Variants in SPSB1 observed in about 807,000 individuals in gnomAD.
The protein encoded by SPSB1 is splA/ryanodine receptor domain and SOCS box containing 1, also known as SPRY domain-containing SOCS box protein 1.
SPSB1 carries 8 observed loss-of-function variants against 21.2 expected under a neutral mutation model. That is an observed-to-expected ratio of 0.38 (90% CI 0.22 to 0.68). The LOEUF is 0.68. SPSB1 is among the 30% of genes least tolerant of loss of function. The pLI is 0.53. For synonymous variants in SPSB1, 169 were observed against 161.7 expected (o/e 1.05, Z -0.34); for missense variants, 242 against 377.8 (o/e 0.64, Z 2.98).
In SPSB1 at chr1:9,369,104, C is replaced by T. The variant is rs1234634361; in HGVS notation, c.*1529C>T. On this transcript the variant is annotated 3_prime_UTR_variant, in exon 3 of 3. Transcript: ENST00000328089. Reference sequence around the variant, plus strand: ...GTTTTAAACAGCTGCTGTAGAGTACCTTTTTTTAAGTAAATCTTACAGTGG... The same window carrying T: ...GTTTTAAACAGCTGCTGTAGAGTACTTTTTTTTAAGTAAATCTTACAGTGG... 6.6e-6 allele frequency: 1 copy of T among 152,228 alleles called. No homozygotes were observed. Among genetic ancestry groups the T allele is most frequent in the Non-Finnish European group, 1.5e-5 (1 of 67,970 alleles). The allele number at this position is 152,228 out of a possible 1,614,324, so 9.4% of individuals were successfully genotyped here. A position where few individuals can be genotyped will look rare whatever the true frequency, so the allele number is the denominator to read the frequency against.
At chr1:9,358,970 G>A (rs373274521) in intron 2 of SPSB1, among the ~76,000 whole-genome samples, 4 of 152,210 alleles carry the variant, frequency 2.6e-5, no homozygotes, top group African/African-American at 9.7e-5. Context: ...GAGATGGGAG[G>A]TTGGATGCTT....
intron 2 of SPSB1, among the ~76,000 whole-genome samples, chr1:9,358,865 G>C (rs1025082486): frequency 1.3e-5 from 2 of 152,174 alleles, no homozygotes; most frequent in African/African-American, 4.8e-5. Context: ...GAGGGGACTG[G>C]AGCCTATTTG....
At chr1:9,326,108 C>T (rs1047437195) in intron 1 of SPSB1, among the ~76,000 whole-genome samples, 2 of 151,762 alleles carry the variant, frequency 1.3e-5, no homozygotes, top group African/African-American at 4.8e-5. Context: ...GGCTGGGCTG[C>T]CGACACGTGG....
At chr1:9,303,887 C>T (rs1172185353) in intron 1 of SPSB1, among the ~76,000 whole-genome samples, 3 of 152,206 alleles carry the variant, frequency 2.0e-5, no homozygotes, top group African/African-American at 7.2e-5. Flanking sequence ...TGATGATTCT[C>T]AATGCTTCAG....
intron 1 of SPSB1, among the ~76,000 whole-genome samples, chr1:9,343,126 C>T (rs1032402393): frequency 1.3e-5 from 2 of 152,214 alleles, no homozygotes; most frequent in African/African-American, 4.8e-5. Context: ...GAGTACAATT[C>T]GATGGCATTG....
chr1:9,339,240 G>T, intron 1 of SPSB1: 1 of 985,404 alleles, frequency 1.0e-6, no homozygotes, highest in Non-Finnish European at 1.2e-6. Flanking sequence ...CACTTGCCTA[G>T]AATATTCGAG....
At chr1:9,326,915 A>G (rs1273597737) in intron 1 of SPSB1, among the ~76,000 whole-genome samples, 1 of 152,018 alleles carries the variant, frequency 6.6e-6, no homozygotes, top group African/African-American at 2.4e-5. Context: ...TTTTAGGTGG[A>G]GGCGGGGACC....
At chr1:9,313,566 A>G (rs1037999490) in intron 1 of SPSB1, among the ~76,000 whole-genome samples, 1 of 151,028 alleles carries the variant, frequency 6.6e-6, no homozygotes, top group Non-Finnish European at 1.5e-5. Flanking sequence ...GGATTCTGGG[A>G]TGTGAATTCT....
rs1639390390 is a variant in SPSB1, at chr1:9,305,112, C to A, written c.-150+12041C>A. On this transcript the variant is annotated intron_variant, in intron 1 of 2. Transcript: ENST00000328089. This position sits in a 1 kb window ranked among gnomAD's most constrained non-coding sequence, Gnocchi z 4.8. ...CCTCTCGCCCTTGTGGCCCATCTGC[C>A]CCCTCAGGAGAGTCCCTCTCCTCCC... 6.6e-6 allele frequency among the ~76,000 whole-genome samples: 1 copy of A among 152,156 alleles called. No homozygotes were observed. The highest frequency in any genetic ancestry group is 1.5e-5 in the Non-Finnish European group (1 of 68,018).
chr1:9,336,378 C>T (rs1640003836), intron 1 of SPSB1, among the ~76,000 whole-genome samples: 1 of 152,116 alleles, frequency 6.6e-6, no homozygotes, highest in Non-Finnish European at 1.5e-5. Context: ...AGGCACGCAC[C>T]ACTATGCCCG....
rs1441012357 is a variant in SPSB1 at position 9,293,049 on chromosome 1, G to C, written c.-172G>C. 1 of 981,032 alleles carries C rather than the reference G, an allele frequency of 1.0e-6. No individual in the cohort carries two copies. The highest frequency in any genetic ancestry group is 1.8e-5 in the African/African-American group (1 of 56,710). The allele number at this position is 981,032 out of a possible 1,614,324, so 60.8% of individuals were successfully genotyped here. ...GCCTCCTCGGCCTTGGAGAGCAGCGGCGGCGGCGGCACCCCGGGCGCGGTA... is the reference window on the plus strand; with the variant it reads ...GCCTCCTCGGCCTTGGAGAGCAGCGCCGGCGGCGGCACCCCGGGCGCGGTA... On this transcript the variant is annotated 5_prime_UTR_variant, in exon 1 of 3. Coordinates refer to ENST00000328089, the MANE Select transcript of SPSB1 (RefSeq NM_025106.4). The surrounding 1 kb of genome is among the most constrained non-coding windows in gnomAD (Gnocchi z 5.1).
At chr1:9,303,371 G>A (rs1639364690) in intron 1 of SPSB1, among the ~76,000 whole-genome samples, 1 of 152,206 alleles carries the variant, frequency 6.6e-6, no homozygotes. Context: ...CACAGAACAG[G>A]ACAGAGGGAG....
At chr1:9,340,422 C>T (rs1640072008) in intron 1 of SPSB1, among the ~76,000 whole-genome samples, 1 of 152,200 alleles carries the variant, frequency 6.6e-6, no homozygotes, top group African/African-American at 2.4e-5. Flanking sequence ...CAAGGCAAGG[C>T]GTTGTGTTAT....
In SPSB1 at chr1:9,356,384, C is replaced by T; in HGVS notation, c.493C>T (p.Leu165=). Residue 165 remains leucine, a synonymous_variant, in exon 2 of 3, where the codon CTG becomes TTG. Coordinates refer to ENST00000328089, the MANE Select transcript of SPSB1 (RefSeq NM_025106.4). This position sits in a 1 kb window ranked among gnomAD's most constrained non-coding sequence, Gnocchi z 7.4. ...NQPSKTYPAF[L]EPDETFIVPD... ...GCCAAGCAAAACATACCCAGCCTTT[C>T]TGGAACCAGATGAGACATTCATTGT... is the stretch of plus-strand genomic sequence containing the variant. 6.2e-7 allele frequency: 1 copy of T among 1,614,176 alleles called. No homozygotes were observed. Among genetic ancestry groups the T allele is most frequent in the Admixed American group, 1.7e-5 (1 of 60,032 alleles).
intron 1 of SPSB1, among the ~76,000 whole-genome samples, chr1:9,332,764 A>T (rs1639942156): frequency 6.6e-6 from 1 of 152,208 alleles, no homozygotes; most frequent in South Asian, 2.1e-4. Flanking sequence ...GTTGAGAGGT[A>T]GAGAGAGGAT....
intron 1 of SPSB1, among the ~76,000 whole-genome samples, chr1:9,325,836 CG>C (rs1639808778): frequency 6.6e-6 from 1 of 152,108 alleles, no homozygotes; most frequent in Non-Finnish European, 1.5e-5. Flanking sequence ...TGAGGGAAGT[CG>C]GGGAACAGCC....
chr1:9,349,312 G>A (rs1398733072), intron 1 of SPSB1, among the ~76,000 whole-genome samples: 5 of 152,174 alleles, frequency 3.3e-5, no homozygotes, highest in East Asian at 1.9e-4. Flanking sequence ...AGACGCTCCC[G>A]CCACGTGCTC....
At position 9,346,746 on chromosome 1, in the gene SPSB1, C is replaced by T. The variant is rs1640171649; in HGVS notation, c.-149-8997C>T. 6.6e-6 allele frequency among the ~76,000 whole-genome samples: 1 copy of T among 152,146 alleles called. No individual in the cohort carries two copies. The highest frequency in any genetic ancestry group is 1.5e-5 in the Non-Finnish European group (1 of 68,036). ...CGTTGGTCTATCAGGGGTGGAACAGCCACCGGTGTTTCTGATGGGGCCACC... is the reference window on the plus strand; with the variant it reads ...CGTTGGTCTATCAGGGGTGGAACAGTCACCGGTGTTTCTGATGGGGCCACC... On this transcript the variant is annotated intron_variant, in intron 1 of 2. Coordinates refer to ENST00000328089, the MANE Select transcript of SPSB1 (RefSeq NM_025106.4). The surrounding 1 kb of genome is among the most constrained non-coding windows in gnomAD (Gnocchi z 4.4).
At position 9,292,980 on chromosome 1, in the gene SPSB1, G is replaced by A. The variant is rs1308256481; in HGVS notation, c.-241G>A. On this transcript the variant is annotated 5_prime_UTR_variant, in exon 1 of 3. Transcript: ENST00000328089. ...GCGCCGGGGCCGGGGCCGCGGGGAGGAGGCGACTTCGCTCCCTGCGGCGGG... is the reference window on the plus strand; with the variant it reads ...GCGCCGGGGCCGGGGCCGCGGGGAGAAGGCGACTTCGCTCCCTGCGGCGGG... 13 of 982,750 alleles carry A rather than the reference G, an allele frequency of 1.3e-5. No individual in the cohort carries two copies. The African/African-American group carries it at 1.4e-4, about 11-fold the overall frequency. The allele number at this position is 982,750 out of a possible 1,614,324, so 60.9% of individuals were successfully genotyped here.
Sources: allele counts gnomAD v4.1 joint callset (sites outside exome capture counted in the v4.1 genomes callset), GRCh38; gene constraint gnomAD v4.1.1; non-coding constraint Gnocchi (gnomAD v3.1); transcripts MANE v1.5; gene names NCBI Gene and HGNC (gene_info 2026-07-23, HGNC 2026-07-21).